The following LRMDA variants were observed in gnomAD, a reference collection of about 807,000 sequenced individuals.
The protein encoded by LRMDA is leucine-rich melanocyte differentiation-associated protein.
LRMDA carries 18 observed loss-of-function variants against 29.8 expected under a neutral mutation model. That is an observed-to-expected ratio of 0.60 (90% CI 0.42 to 0.90). The LOEUF is 0.90. LRMDA is among the 40% of genes least tolerant of loss of function. The pLI is 0.00. For synonymous variants in LRMDA, 125 were observed against 109.4 expected (o/e 1.14, Z -0.89); for missense variants, 273 against 273.9 (o/e 1.00, Z 0.02).
rs761618391 is a variant in LRMDA at position 76,309,527 on chromosome 10, G to A, written c.517-14874G>A. The stretch of plus-strand genomic sequence containing the variant: ...AAAAAGGCATTTAGGATATTAAAGC[G>A]AAATGTGAAGAGGATATTAAAATAG... On this transcript the variant is annotated intron_variant, in intron 5 of 6. Coordinates refer to ENST00000611255, the MANE Select transcript of LRMDA (RefSeq NM_001305581.2). Among the ~76,000 whole-genome samples the A allele has an allele frequency of 6.4e-4, 97 of 152,296 alleles. 1 individual carries two copies. The highest frequency in any genetic ancestry group is 1.1e-3 in the African/African-American group (46 of 41,556).
At chr10:75,877,008 C>T (rs868640674) in intron 2 of LRMDA, among the ~76,000 whole-genome samples, 3 of 152,158 alleles carry the variant, frequency 2.0e-5, no homozygotes, top group African/African-American at 7.2e-5. Context: ...TTTAGAACCC[C>T]TGCTGTCCAC....
chr10:76,086,241 G>C (rs1279359225), intron 5 of LRMDA, among the ~76,000 whole-genome samples: 1 of 152,180 alleles, frequency 6.6e-6, no homozygotes, highest in Non-Finnish European at 1.5e-5. Context: ...TTTTGGGAAA[G>C]AGTTCACTCT....
chr10:75,729,438 T>C (rs1842669086), intron 2 of LRMDA, among the ~76,000 whole-genome samples: 1 of 152,200 alleles, frequency 6.6e-6, no homozygotes, highest in African/African-American at 2.4e-5. Flanking sequence ...AACGTGAGCA[T>C]ATTTGGCCAT....
At chr10:75,916,547 C>T (rs926212396) in intron 2 of LRMDA, among the ~76,000 whole-genome samples, 5 of 152,150 alleles carry the variant, frequency 3.3e-5, no homozygotes, top group South Asian at 2.1e-4. Flanking sequence ...TTAGAAAAAC[C>T]GTCCCCACCC....
chr10:76,260,935 A>G (rs942719430), intron 5 of LRMDA: 1 of 152,204 alleles, frequency 6.6e-6, no homozygotes, highest in Admixed American at 6.5e-5. Context: ...AAGATGGCCA[A>G]TATCAGCAAA....
intron 6 of LRMDA, among the ~76,000 whole-genome samples, chr10:76,533,913 G>C (rs1843263876): frequency 6.6e-6 from 1 of 152,148 alleles, no homozygotes; most frequent in Non-Finnish European, 1.5e-5. Flanking sequence ...TGGGCACAGT[G>C]CCAGGCTCTT....
intron 6 of LRMDA, among the ~76,000 whole-genome samples, chr10:76,365,318 C>A (rs547219655): frequency 1.3e-5 from 2 of 152,062 alleles, no homozygotes; most frequent in Admixed American, 1.3e-4. Context: ...TTTAAGGAAT[C>A]TCCACACTGT....
chr10:75,932,688 T>C (rs1365715168), intron 2 of LRMDA, among the ~76,000 whole-genome samples: 1 of 152,138 alleles, frequency 6.6e-6, no homozygotes, highest in Non-Finnish European at 1.5e-5. Context: ...CCAGCCTGAG[T>C]AAATTATCTG....
chr10:75,532,056 GAAAAAAA>G (rs60697116), intron 2 of LRMDA, among the ~76,000 whole-genome samples: 3 of 95,386 alleles, frequency 3.1e-5, no homozygotes, highest in African/African-American at 4.0e-5. Context: ...AAGAAAGAAA[GAAAAAAA>G]AAAAAAAAAA....
intron 2 of LRMDA, among the ~76,000 whole-genome samples, chr10:75,596,466 A>G (rs1209864334): frequency 6.6e-6 from 1 of 151,976 alleles, no homozygotes; most frequent in African/African-American, 2.4e-5. Context: ...TTAGCAACAC[A>G]TCCATTCAAC....
intron 5 of LRMDA, among the ~76,000 whole-genome samples, chr10:76,182,415 C>T (rs1019520857): frequency 1.3e-5 from 2 of 152,152 alleles, no homozygotes; most frequent in African/African-American, 2.4e-5. Flanking sequence ...CAGAGACAAA[C>T]CACATCAAGA....
chr10:75,526,111 G>C (rs1176368644), intron 2 of LRMDA, among the ~76,000 whole-genome samples: 1 of 151,826 alleles, frequency 6.6e-6, no homozygotes, highest in East Asian at 1.9e-4. Context: ...TGTCACCCAG[G>C]CTGGAGTGCA....
At chr10:75,620,114 G>A (rs1352417982) in intron 2 of LRMDA, among the ~76,000 whole-genome samples, 10 of 152,148 alleles carry the variant, frequency 6.6e-5, no homozygotes, top group African/African-American at 9.7e-5. Context: ...GCCTGAGAGT[G>A]CACACTGCCT....
At chr10:76,068,819 G>A (rs1201856866) in intron 5 of LRMDA, among the ~76,000 whole-genome samples, 1 of 152,204 alleles carries the variant, frequency 6.6e-6, no homozygotes, top group African/African-American at 2.4e-5. Context: ...TTGGAGGAGT[G>A]TCAAACAGGT....
chr10:76,117,291 CA>C (rs1849682896), intron 5 of LRMDA, among the ~76,000 whole-genome samples: 1 of 152,112 alleles, frequency 6.6e-6, no homozygotes, highest in Non-Finnish European at 1.5e-5. Context: ...ATAAGAGACC[CA>C]ACCAGGGCAT....
intron 6 of LRMDA, among the ~76,000 whole-genome samples, chr10:76,501,776 A>T (rs1416969271): frequency 6.6e-6 from 1 of 151,730 alleles, no homozygotes; most frequent in Admixed American, 6.6e-5. Flanking sequence ...TTGGATGCAT[A>T]GTTTGTGAAT....
chr10:76,408,735 G>T (rs1001552261), intron 6 of LRMDA, among the ~76,000 whole-genome samples: 1 of 152,048 alleles, frequency 6.6e-6, no homozygotes, highest in Non-Finnish European at 1.5e-5. Context: ...CAAAGCCGCA[G>T]GACTCCTGCT....
intron 6 of LRMDA, among the ~76,000 whole-genome samples, chr10:76,410,215 T>C (rs1841944220): frequency 6.7e-6 from 1 of 150,000 alleles, no homozygotes; most frequent in Non-Finnish European, 1.5e-5. Context: ...CGGAGGTGCA[T>C]GGGGTAAGAT....
chr10:75,972,177 G>A (rs1009280906), intron 2 of LRMDA, among the ~76,000 whole-genome samples: 2 of 152,148 alleles, frequency 1.3e-5, no homozygotes, highest in Admixed American at 1.3e-4. Context: ...TATGGCATTA[G>A]TTGGTTATAA....
Sources: gnomAD v4.1 joint callset for allele counts (sites outside exome capture counted in the v4.1 genomes callset) on GRCh38, gnomAD v4.1.1 for gene constraint, MANE v1.5 for transcripts, NCBI Gene and HGNC (gene_info 2026-07-23, HGNC 2026-07-21) for gene names.